Variants in LDB2 observed in about 807,000 individuals in gnomAD.
LDB2 encodes LIM domain-binding protein 2.
LDB2 carries 12 observed loss-of-function variants against 44.3 expected under a neutral mutation model. The observed-to-expected ratio is 0.27, with a 90% CI of 0.17 to 0.44. LDB2 has a LOEUF of 0.44. Among genes scored for constraint, LDB2 ranks in the 20% least tolerant of loss-of-function variants. LDB2 has a pLI of 1.00. For synonymous variants in LDB2, 164 were observed against 174.8 expected, an observed-to-expected ratio of 0.94 and a Z score of 0.49; for missense variants, 344 against 473.5, an observed-to-expected ratio of 0.73 and a Z score of 2.54.
chr4:16,764,757 G>A (rs1561149403), intron 1 of LDB2, among the ~76,000 whole-genome samples: 3 of 152,172 alleles, frequency 2.0e-5, no homozygotes, highest in Admixed American at 6.5e-5. Context: ...GAAATGATGC[G>A]GAAGTACCAC....
intron 5 of LDB2, among the ~76,000 whole-genome samples, chr4:16,519,393 A>G (rs184752297): frequency 1.3e-5 from 2 of 151,634 alleles, no homozygotes; most frequent in East Asian, 4.0e-4. Context: ...AAGGGCAGAG[A>G]AGAGGTTCAG....
At chr4:16,543,991 A>C (rs1734816300) in intron 5 of LDB2, among the ~76,000 whole-genome samples, 1 of 152,096 alleles carries the variant, frequency 6.6e-6, no homozygotes, top group African/African-American at 2.4e-5. Context: ...TACCCAGTCT[A>C]TTGCAGGTAC....
At chr4:16,584,821 G>A (rs540337044) in intron 5 of LDB2, among the ~76,000 whole-genome samples, 14 of 152,270 alleles carry the variant, frequency 9.2e-5, no homozygotes, top group African/African-American at 2.6e-4. Context: ...GGGAGAAGCA[G>A]GAAGGAAATT....
intron 2 of LDB2, among the ~76,000 whole-genome samples, chr4:16,756,298 A>C (rs964872317): frequency 6.6e-6 from 1 of 152,020 alleles, no homozygotes; most frequent in Non-Finnish European, 1.5e-5. Context: ...AAAAATGCAA[A>C]AATTAGCTGG....
intron 2 of LDB2, among the ~76,000 whole-genome samples, chr4:16,657,425 C>T (rs986672488): frequency 1.3e-5 from 2 of 152,160 alleles, no homozygotes; most frequent in African/African-American, 4.8e-5. Context: ...TTAAAATTCA[C>T]CAGTCACCAC....
chr4:16,821,381 T>TA (rs1385175489), intron 1 of LDB2, among the ~76,000 whole-genome samples: 2 of 24,164 alleles, frequency 8.3e-5, no homozygotes, highest in Non-Finnish European at 2.7e-4. Flanking sequence ...TTTGAATTTT[T>TA]TTTTTATTTT....
intron 2 of LDB2, among the ~76,000 whole-genome samples, chr4:16,688,296 A>G (rs1036086921): frequency 2.0e-5 from 3 of 152,310 alleles, no homozygotes; most frequent in African/African-American, 7.2e-5. Context: ...TAAAGTGGAT[A>G]TGGTTTTGGG....
rs2062489713 is a variant in LDB2 at position 16,652,093 on chromosome 4, G to A, written c.236-56218C>T. On this transcript the variant is annotated intron_variant, in intron 2 of 7. Coordinates refer to ENST00000304523, the MANE Select transcript of LDB2 (RefSeq NM_001290.5). ...AACCTCCCAAGAAGCTGGGACTACA[G>A]AGATGCGCCACCACACCCAGATAAT... 2.6e-5 allele frequency among the ~76,000 whole-genome samples: 4 copies of A among 152,164 alleles called. 1 individual carries two copies. In the South Asian group the frequency reaches 6.2e-4, roughly 24 times the overall value.
intron 2 of LDB2, among the ~76,000 whole-genome samples, chr4:16,658,231 G>A (rs1644412697): frequency 6.6e-6 from 1 of 152,184 alleles, no homozygotes; most frequent in Non-Finnish European, 1.5e-5. Context: ...TATTCTCAGT[G>A]CCAAGTCCAC....
chr4:16,589,820 G>A (rs1385348678), intron 3 of LDB2, among the ~76,000 whole-genome samples: 1 of 152,086 alleles, frequency 6.6e-6, no homozygotes, highest in Admixed American at 6.5e-5. Flanking sequence ...TGGCATCAGA[G>A]GGTACTGGAT....
intron 2 of LDB2, among the ~76,000 whole-genome samples, chr4:16,624,756 C>T (rs553834645): frequency 6.6e-6 from 1 of 152,208 alleles, no homozygotes; most frequent in African/African-American, 2.4e-5. Context: ...AGCATGGTCT[C>T]TTCCACATTA....
chr4:16,671,080 A>G (rs1744611239), intron 2 of LDB2, among the ~76,000 whole-genome samples: 1 of 151,038 alleles, frequency 6.6e-6, no homozygotes, highest in South Asian at 2.1e-4. Flanking sequence ...AAGTGCTTGG[A>G]AGAAAATTCT....
At chr4:16,876,512 T>A (rs1324556544) in intron 1 of LDB2, among the ~76,000 whole-genome samples, 1 of 152,238 alleles carries the variant, frequency 6.6e-6, no homozygotes, top group Non-Finnish European at 1.5e-5. Context: ...TAAATGTAAA[T>A]CCTAATGTAC....
chr4:16,858,266 C>A (rs935343239), intron 1 of LDB2, among the ~76,000 whole-genome samples: 2 of 152,286 alleles, frequency 1.3e-5, no homozygotes, highest in Non-Finnish European at 2.9e-5. Context: ...AGGAGTTGCT[C>A]CTAGAGCTAA....
chr4:16,758,931 A>G (rs1304643078), intron 2 of LDB2, among the ~76,000 whole-genome samples: 1 of 152,078 alleles, frequency 6.6e-6, no homozygotes, highest in Non-Finnish European at 1.5e-5. Flanking sequence ...TATTTGCCTC[A>G]CTCTCTAAAC....
At chr4:16,576,328 A>G (rs1168018229) in intron 5 of LDB2, among the ~76,000 whole-genome samples, 1 of 152,126 alleles carries the variant, frequency 6.6e-6, no homozygotes, top group African/African-American at 2.4e-5. Flanking sequence ...AACAAATTAG[A>G]AAAACCTTGA....
chr4:16,708,183 C>A (rs1475103287), intron 2 of LDB2, among the ~76,000 whole-genome samples: 2 of 152,084 alleles, frequency 1.3e-5, no homozygotes, highest in African/African-American at 4.8e-5. Context: ...GTCACTTATA[C>A]AAAATGGTCA....
chr4:16,750,119 C>T (rs1176557637), intron 2 of LDB2, among the ~76,000 whole-genome samples: 2 of 152,176 alleles, frequency 1.3e-5, no homozygotes, highest in South Asian at 2.1e-4. Flanking sequence ...TATCCTTCTA[C>T]AATTTTTCAT....
intron 1 of LDB2, among the ~76,000 whole-genome samples, chr4:16,821,767 A>AAAAAAAAAAAAC (rs1422400388): frequency 1.3e-5 from 2 of 150,432 alleles, no homozygotes; most frequent in Non-Finnish European, 3.0e-5. Flanking sequence ...AAAAAAAAAA[A>AAAAAAAAAAAAC]AAATCAGGAA....
Sources: gnomAD v4.1 joint callset for allele counts (sites outside exome capture counted in the v4.1 genomes callset) on GRCh38, gnomAD v4.1.1 for gene constraint, MANE v1.5 for transcripts, NCBI Gene and HGNC (gene_info 2026-07-23, HGNC 2026-07-21) for gene names.